Variants in SYNPO2 observed in about 807,000 individuals in gnomAD.
SYNPO2 encodes the protein synaptopodin 2, also known as synaptopodin-2.
Under a neutral mutation model 85.0 loss-of-function variants are expected in SYNPO2, and 56 were observed. The observed-to-expected ratio is 0.66, with a 90% confidence interval of 0.53 to 0.82. The LOEUF is 0.82. SYNPO2 is among the 40% of genes least tolerant of loss of function. The probability of loss-of-function intolerance (pLI) is 0.00; values close to 1 mark genes in which losing one functional copy is unlikely to be tolerated. For missense variants in SYNPO2, 1,575 were observed against 1,534.2 expected (o/e 1.03, Z -0.44); for synonymous variants, 602 against 591.1 (o/e 1.02, Z -0.27).
Position 119,060,515 on chromosome 4 carries a change from G to C in SYNPO2, c.*2581G>C, listed in dbSNP as rs1235289388. 1.3e-5 allele frequency: 2 copies of C among 152,182 alleles called. No homozygotes were observed. Among genetic ancestry groups the C allele is most frequent in the African/African-American group, 4.8e-5 (2 of 41,444 alleles). The allele number at this position is 152,182 out of a possible 1,614,324, so 9.4% of individuals were successfully genotyped here. A position where few individuals can be genotyped will look rare whatever the true frequency, so the allele number is the denominator to read the frequency against. On this transcript the variant is annotated 3_prime_UTR_variant, in exon 5 of 5. Coordinates refer to ENST00000307142, the MANE Select transcript of SYNPO2 (RefSeq NM_133477.3). ...TGCTCACATTGAAGCTAATGGTTGA[G>C]ACAAGACACCTGCCAGAGTGAAGTT...
intron 1 of SYNPO2, among the ~76,000 whole-genome samples, chr4:118,865,464 A>G (rs993564976): frequency 1.3e-5 from 2 of 152,242 alleles, no homozygotes; most frequent in African/African-American, 4.8e-5. Flanking sequence ...CTTGTGGAGC[A>G]TATTTAGTGG....
intron 1 of SYNPO2, among the ~76,000 whole-genome samples, chr4:118,913,563 T>TTGTG (rs10686830): frequency 0.04 from 5,823 of 147,344 alleles, 122 homozygotes; most frequent in Non-Finnish European, 0.048. Flanking sequence ...CATTTATTGT[T>TTGTG]TGTGTGTGTG....
intron 4 of SYNPO2, among the ~76,000 whole-genome samples, chr4:119,053,213 A>G (rs1042452568): frequency 2.0e-5 from 3 of 152,242 alleles, no homozygotes; most frequent in African/African-American, 7.2e-5. Flanking sequence ...AGGAAACAGC[A>G]CCAAAAAACA....
chr4:118,913,171 A>G (rs1733197776), intron 1 of SYNPO2, among the ~76,000 whole-genome samples: 2 of 152,216 alleles, frequency 1.3e-5, no homozygotes, highest in Admixed American at 6.5e-5. Flanking sequence ...ATTTATAACT[A>G]TTATACAAGA....
Position 119,026,682 on chromosome 4 carries a change from G to A in SYNPO2, c.313G>A (p.Glu105Lys), listed in dbSNP as rs747883620. 1.9e-6 allele frequency: 3 copies of A among 1,613,292 alleles called. No individual in the cohort carries two copies. The highest frequency in any genetic ancestry group is 2.2e-5 in the South Asian group (2 of 91,040). ...ATCTGAAAATGAAAACAAAAACCTCGAGCATCTCACACATGGGGGTTATGT... is the reference window on the plus strand; with the variant it reads ...ATCTGAAAATGAAAACAAAAACCTCAAGCATCTCACACATGGGGGTTATGT... ...LISENENKNL[E>K]HLTHGGYVES... The change falls in exon 3 of 5, where the codon GAG becomes AAG. Residue 105 changes from glutamate (E) to lysine (K), a missense_variant. By Grantham distance (56) the Glu-to-Lys change is moderately conservative. Around this residue, in one of 3 missense-constraint regions of SYNPO2, gnomAD observed 1,508 missense variants for 1,446.8 expected, o/e 1.04. Transcript: ENST00000307142.
Position 118,888,937 on chromosome 4 carries a change from C to G in SYNPO2, c.-100C>G. On this transcript the variant is annotated 5_prime_UTR_variant, in exon 1 of 5. Coordinates refer to ENST00000307142, the MANE Select transcript of SYNPO2 (RefSeq NM_133477.3). ...GGACGCTCTGCATTACCCAGTCTTG[C>G]GTCCTCGGCAGGCGCCCGAAGCTGA... 8.3e-7 allele frequency: 1 copy of G among 1,210,476 alleles called. No homozygotes were observed. Among genetic ancestry groups the G allele is most frequent in the Non-Finnish European group, 1.2e-6 (1 of 822,134 alleles). 75.0% of individuals were successfully genotyped at this position (1,210,476 alleles called of 1,614,324 possible).
At chr4:118,998,543 G>A (rs78525483) in intron 1 of SYNPO2, among the ~76,000 whole-genome samples, 3,408 of 152,274 alleles carry the variant, frequency 0.022, 134 homozygotes, top group African/African-American at 0.077. Flanking sequence ...TTGCTATCCT[G>A]TTTTAAATGA....
chr4:119,038,492 A>G, intron 4 of SYNPO2: 14 of 985,434 alleles, frequency 1.4e-5, no homozygotes, highest in Non-Finnish European at 1.7e-5. Context: ...ATTTTTAAAA[A>G]TAAAGCATAA....
rs1732272712 is a variant in SYNPO2 at position 118,888,960 on chromosome 4, T to G, written c.-77T>G. ...TGCGTCCTCGGCAGGCGCCCGAAGC[T>G]GAGTGCGCATCCTCTACCGCACCCA... is the stretch of plus-strand genomic sequence containing the variant. On this transcript the variant is annotated 5_prime_UTR_variant, in exon 1 of 5. Transcript: ENST00000307142. 4 of 1,452,734 alleles carry G rather than the reference T, an allele frequency of 2.8e-6. No homozygotes were observed. Among genetic ancestry groups the G allele is most frequent in the Non-Finnish European group, 3.9e-6 (4 of 1,038,256 alleles). 90.0% of individuals were successfully genotyped at this position (1,452,734 alleles called of 1,614,324 possible).
At chr4:119,033,992 C>G (rs1738392259) in intron 4 of SYNPO2, 1 of 985,286 alleles carries the variant, frequency 1.0e-6, no homozygotes, top group Admixed American at 6.1e-5. Flanking sequence ...TGGAAATTTA[C>G]CTAGAGGTTA....
At chr4:118,906,693 A>G (rs1278398276) in intron 1 of SYNPO2, among the ~76,000 whole-genome samples, 1 of 152,208 alleles carries the variant, frequency 6.6e-6, no homozygotes, top group Non-Finnish European at 1.5e-5. Flanking sequence ...TGTTTAAAAA[A>G]GAGAAGAGCT....
At chr4:118,853,358 T>C (rs940076423) in intron 1 of SYNPO2, among the ~76,000 whole-genome samples, 1 of 152,188 alleles carries the variant, frequency 6.6e-6, no homozygotes, top group Non-Finnish European at 1.5e-5. Flanking sequence ...ATTCTCTTCA[T>C]ATACCATCAA....
intron 1 of SYNPO2, among the ~76,000 whole-genome samples, chr4:118,856,595 C>A (rs564856067): frequency 6.6e-6 from 1 of 151,832 alleles, no homozygotes; most frequent in South Asian, 2.1e-4. Context: ...CTGAAGTGCT[C>A]ACTGCAGCCT....
At chr4:119,037,241 G>A (rs1371659462) in intron 4 of SYNPO2, 4 of 1,493,976 alleles carry the variant, frequency 2.7e-6, no homozygotes, top group Non-Finnish European at 3.6e-6. Context: ...AAGAAATCCT[G>A]CTTTCACATC....
At chr4:118,896,144 C>T (rs1732544806) in intron 1 of SYNPO2, among the ~76,000 whole-genome samples, 1 of 152,190 alleles carries the variant, frequency 6.6e-6, no homozygotes, top group Non-Finnish European at 1.5e-5. Context: ...AAAGAACAGG[C>T]TGTCACTTAG....
upstream of SYNPO2, among the ~76,000 whole-genome samples, chr4:118,884,320 G>A (rs888486363): frequency 1.3e-5 from 2 of 152,210 alleles, no homozygotes; most frequent in African/African-American, 4.8e-5. Flanking sequence ...TGGTGGTTTT[G>A]TCTTCACATT....
chr4:118,981,756 C>T (rs10013146), intron 1 of SYNPO2, among the ~76,000 whole-genome samples: 47 of 152,254 alleles, frequency 3.1e-4, no homozygotes, highest in African/African-American at 1.1e-3. Flanking sequence ...TTGTTGCTGT[C>T]GTCCATTTTA....
chr4:118,855,120 A>G (rs1731482294), intron 1 of SYNPO2, among the ~76,000 whole-genome samples: 1 of 126,694 alleles, frequency 7.9e-6, no homozygotes, highest in Admixed American at 9.2e-5. Context: ...TATTTTTACT[A>G]AAGCAAAAAA....
intron 1 of SYNPO2, among the ~76,000 whole-genome samples, chr4:119,007,277 T>C (rs1397712110): frequency 2.4e-5 from 2 of 84,338 alleles, no homozygotes; most frequent in Non-Finnish European, 4.4e-5. Flanking sequence ...TATATATATG[T>C]ATATACATAT....
Sources: gnomAD v4.1 joint callset for allele counts (sites outside exome capture counted in the v4.1 genomes callset) on GRCh38, gnomAD v4.1.1 for gene constraint, gnomAD v4.1.1 regional missense constraint, MANE v1.5 for transcripts, NCBI Gene and HGNC (gene_info 2026-07-23, HGNC 2026-07-21) for gene names.